Variants in SLC6A11 observed in about 807,000 individuals in gnomAD.
SLC6A11 encodes the protein sodium- and chloride-dependent GABA transporter 3.
In SLC6A11, 25 loss-of-function variants were observed where a neutral mutation model predicts 74.8. The observed-to-expected ratio is 0.33, with a 90% CI of 0.24 to 0.47. SLC6A11 has a LOEUF of 0.47. SLC6A11 is among the 20% of genes least tolerant of loss of function. The pLI is 1.00. For missense variants in SLC6A11, 574 were observed against 837.0 expected (o/e 0.69, Z 3.88); for synonymous variants, 330 against 330.2 (o/e 1.00, Z 0.01).
Position 10,861,615 on chromosome 3 carries a change from A to G in SLC6A11, c.757-13346A>G, listed in dbSNP as rs566279782. On this transcript the variant is annotated intron_variant, in intron 5 of 13. Transcript: ENST00000254488. ...GGAGGCAGAAAACTAGAAAAGTCCAATGAAGGAAAGTTTTAAAGCTGCAAA... is the reference window on the plus strand; with the variant it reads ...GGAGGCAGAAAACTAGAAAAGTCCAGTGAAGGAAAGTTTTAAAGCTGCAAA... Among the ~76,000 whole-genome samples the G allele has an allele frequency of 2.2e-4, 34 of 152,326 alleles. 1 individual carries two copies. In the South Asian group the frequency reaches 6.8e-3, roughly 31 times the overall value.
chr3:10,913,839 G>A (rs1020063035), intron 7 of SLC6A11, among the ~76,000 whole-genome samples: 15 of 152,006 alleles, frequency 9.9e-5, no homozygotes, highest in Admixed American at 1.3e-4. Context: ...GACTACAGGC[G>A]CCCGCCACCA....
chr3:10,869,065 C>CTCTG (rs1694799066), intron 5 of SLC6A11, among the ~76,000 whole-genome samples: 1 of 152,184 alleles, frequency 6.6e-6, no homozygotes, highest in Non-Finnish European at 1.5e-5. Context: ...TTCTTTATTC[C>CTCTG]TCTGTCCAAC....
intron 6 of SLC6A11, among the ~76,000 whole-genome samples, chr3:10,884,648 G>A (rs913884360): frequency 3.3e-5 from 5 of 152,144 alleles, no homozygotes; most frequent in Admixed American, 6.5e-5. Context: ...GCCCAGTCCT[G>A]GGCTGGCATT....
chr3:10,863,674 T>C (rs919223636), intron 5 of SLC6A11, among the ~76,000 whole-genome samples: 1 of 152,140 alleles, frequency 6.6e-6, no homozygotes, highest in Non-Finnish European at 1.5e-5. Flanking sequence ...GTCTTGAAGG[T>C]CAGCAAGATT....
At chr3:10,873,444 C>CCTATCCTATG (rs1694856490) in intron 5 of SLC6A11, among the ~76,000 whole-genome samples, 2 of 146,920 alleles carry the variant, frequency 1.4e-5, no homozygotes, top group African/African-American at 5.2e-5. Flanking sequence ...CCTATCCTAT[C>CCTATCCTATG]CTATCCTATG....
intron 4 of SLC6A11, among the ~76,000 whole-genome samples, chr3:10,841,201 G>T (rs1694432822): frequency 1.3e-5 from 2 of 152,200 alleles, no homozygotes; most frequent in South Asian, 4.1e-4. Context: ...AGTGTCGGGG[G>T]AGGTCTGTCT....
At chr3:10,896,327 TG>T (rs1695171230) in intron 6 of SLC6A11, among the ~76,000 whole-genome samples, 1 of 152,234 alleles carries the variant, frequency 6.6e-6, no homozygotes, top group African/African-American at 2.4e-5. Context: ...CCCAAAGGAA[TG>T]ACCCCTCTCT....
At chr3:10,863,346 C>G (rs561594190) in intron 5 of SLC6A11, among the ~76,000 whole-genome samples, 1 of 152,268 alleles carries the variant, frequency 6.6e-6, no homozygotes, top group Non-Finnish European at 1.5e-5. Context: ...CTTACATCTA[C>G]CAAGAGAGGT....
intron 5 of SLC6A11, among the ~76,000 whole-genome samples, chr3:10,873,490 C>G (rs982762243): frequency 4.0e-5 from 6 of 150,804 alleles, no homozygotes; most frequent in African/African-American, 1.2e-4. Flanking sequence ...ATACCCTACC[C>G]TATGCTATCC....
At chr3:10,877,942 C>G (rs997626795) in intron 6 of SLC6A11, among the ~76,000 whole-genome samples, 1 of 152,142 alleles carries the variant, frequency 6.6e-6, no homozygotes, top group Admixed American at 6.5e-5. Context: ...ACCTGACCCC[C>G]GACTCCGTCC....
intron 5 of SLC6A11, among the ~76,000 whole-genome samples, chr3:10,849,902 A>G (rs1575675504): frequency 6.6e-6 from 1 of 151,382 alleles, no homozygotes; most frequent in African/African-American, 2.4e-5. Context: ...GGATTGGCCA[A>G]CTGTGGTTTT....
intron 5 of SLC6A11, among the ~76,000 whole-genome samples, chr3:10,863,364 A>G (rs1378616445): frequency 6.6e-6 from 1 of 152,246 alleles, no homozygotes. Flanking sequence ...GGTGGGAACT[A>G]TGGTCTATGA....
chr3:10,843,656 A>G (rs891715713), intron 4 of SLC6A11, among the ~76,000 whole-genome samples: 2 of 152,204 alleles, frequency 1.3e-5, no homozygotes, highest in Non-Finnish European at 2.9e-5. Context: ...TCTCTGACAC[A>G]GTGGCAGGTG....
At chr3:10,830,677 G>A (rs1694283201) in intron 4 of SLC6A11, among the ~76,000 whole-genome samples, 1 of 152,174 alleles carries the variant, frequency 6.6e-6, no homozygotes, top group Non-Finnish European at 1.5e-5. Flanking sequence ...GCCATGTGGA[G>A]GTCCCAGGAG....
At chr3:10,835,311 AC>A (rs1694352397) in intron 4 of SLC6A11, among the ~76,000 whole-genome samples, 2 of 152,070 alleles carry the variant, frequency 1.3e-5, no homozygotes, top group South Asian at 2.1e-4. Context: ...GAGGGCCTGG[AC>A]CCCAGCCATG....
At chr3:10,902,452 C>T (rs942072861) in intron 6 of SLC6A11, among the ~76,000 whole-genome samples, 2 of 152,158 alleles carry the variant, frequency 1.3e-5, no homozygotes, top group South Asian at 2.1e-4. Context: ...TTGGAAATGA[C>T]GTGGGTGCTT....
chr3:10,829,270 T>C (rs2106575989), intron 4 of SLC6A11, among the ~76,000 whole-genome samples: 1 of 152,326 alleles, frequency 6.6e-6, no homozygotes, highest in East Asian at 1.9e-4. Flanking sequence ...TTCTGAGAAC[T>C]TTGATGGGTC....
At chr3:10,830,060 GA>G (rs1205364699) in intron 4 of SLC6A11, among the ~76,000 whole-genome samples, 10 of 147,862 alleles carry the variant, frequency 6.8e-5, no homozygotes, top group East Asian at 2.0e-4. Flanking sequence ...TGGGAAGTAG[GA>G]AAAAAAAAAC....
rs140216340 is a variant in SLC6A11 at position 10,827,556 on chromosome 3, C to T, written c.623+4164C>T. 1.4e-3 allele frequency among the ~76,000 whole-genome samples: 217 copies of T among 152,294 alleles called. 1 individual carries two copies. Among genetic ancestry groups the T allele is most frequent in the Admixed American group, 3.5e-3 (53 of 15,304 alleles). On this transcript the variant is annotated intron_variant, in intron 4 of 13. Transcript: ENST00000254488. ...GCTCCAGTTGTCCTTTTCACACTGC[C>T]TCCAACTCCAGGGACTTCAGTCAGG...
Sources: gnomAD v4.1 joint callset for allele counts (sites outside exome capture counted in the v4.1 genomes callset) on GRCh38, gnomAD v4.1.1 for gene constraint, MANE v1.5 for transcripts, NCBI Gene and HGNC (gene_info 2026-07-23, HGNC 2026-07-21) for gene names.